IFT74: variants seen among roughly 807,000 people sequenced by gnomAD.
The protein encoded by IFT74 is intraflagellar transport protein 74 homolog.
A neutral mutation model predicts 96.7 loss-of-function variants in IFT74; 92 were observed. The observed-to-expected ratio is 0.95, with a 90% CI of 0.80 to 1.13. The LOEUF (loss-of-function observed/expected upper bound fraction) is 1.13. Ranked by LOEUF, IFT74 falls within the 50% of genes most tolerant of loss-of-function variation. The pLI is 0.00. For missense variants in IFT74, 811 were observed against 698.2 expected, an observed-to-expected ratio of 1.16 and a Z score of -1.82; for synonymous variants, 223 against 213.2, an observed-to-expected ratio of 1.05 and a Z score of -0.40.
rs756920285 is a variant in IFT74, at chr9:27,009,118, A to C, written c.686A>C (p.Lys229Thr). The stretch of plus-strand genomic sequence containing the variant: ...AATATGTCTTTTGAAAACCAAGTCA[A>C]GTACCTAGAGATGAAAACCACAAAT... ...IKNMSFENQV[K>T]YLEMKTTNEK... Residue 229 changes from lysine to threonine, a missense_variant, in exon 9 of 20, where the codon AAG becomes ACG. Transcript: ENST00000380062. 9 of 1,613,448 alleles carry C rather than the reference A, an allele frequency of 5.6e-6. No individual in the cohort carries two copies. The highest frequency in any genetic ancestry group is 1.7e-5 in the Admixed American group (1 of 60,018).
intron 18 of IFT74, 134 bp from the exon 19 acceptor site, chr9:27,060,457 G>C (rs10967687): frequency 2.4e-6 from 1 of 424,296 alleles, no homozygotes; most frequent in Non-Finnish European, 4.3e-6. Flanking sequence ...TTTTTCTACC[G>C]TGGCTTTATC....
At chr9:27,036,056 A>C (rs1819164100) in intron 13 of IFT74, among the ~76,000 whole-genome samples, 1 of 152,270 alleles carries the variant, frequency 6.6e-6, no homozygotes, top group Non-Finnish European at 1.5e-5. Context: ...GTATTCTTAC[A>C]ATAAAGTAAG....
intron 10 of IFT74, among the ~76,000 whole-genome samples, chr9:27,015,342 G>A (rs1318169605): frequency 6.6e-6 from 1 of 151,768 alleles, no homozygotes; most frequent in Non-Finnish European, 1.5e-5. Context: ...CATACTTTTA[G>A]AAGAGAAGAG....
chr9:27,034,718 TGGG>T (rs1172869507), intron 13 of IFT74, among the ~76,000 whole-genome samples: 20 of 152,094 alleles, frequency 1.3e-4, no homozygotes, highest in Admixed American at 7.2e-4. Flanking sequence ...TTAGTAGAGA[TGGG>T]GTTTCTCCAT....
chr9:26,962,187 C>A (rs1040028619), intron 2 of IFT74, 100 bp downstream of exon 2: 66 of 1,159,768 alleles, frequency 5.7e-5, no homozygotes, highest in Admixed American at 2.4e-5. Context: ...CATGCCACTG[C>A]ACCCCAGTTT....
intron 8 of IFT74, among the ~76,000 whole-genome samples, chr9:27,003,557 A>G (rs111857515): frequency 1.2e-3 from 184 of 152,228 alleles, no homozygotes; most frequent in African/African-American, 4.1e-3. Context: ...AGAGTAGGCA[A>G]GAATCCATGC....
chr9:27,055,186 G>A (rs1202705325), intron 16 of IFT74, among the ~76,000 whole-genome samples: 2 of 152,094 alleles, frequency 1.3e-5, no homozygotes, highest in African/African-American at 2.4e-5. Context: ...ACCACAGATA[G>A]TAAGAGTTGA....
intron 8 of IFT74, chr9:26,999,486 G>T: frequency 1.6e-6 from 1 of 636,138 alleles, no homozygotes; most frequent in Middle Eastern, 4.5e-4. Flanking sequence ...GATATACAGA[G>T]CTAAATAAAC....
chr9:26,982,871 C>A (rs115428443), intron 4 of IFT74, among the ~76,000 whole-genome samples: 1 of 152,064 alleles, frequency 6.6e-6, no homozygotes, highest in Admixed American at 6.6e-5. Context: ...GGATTACAGG[C>A]GTGAGCTGCC....
At chr9:26,954,814 A>G (rs575636234), upstream of IFT74, among the ~76,000 whole-genome samples, 1 of 151,978 alleles carries the variant, frequency 6.6e-6, no homozygotes, top group South Asian at 2.1e-4. Context: ...TTACTAACCA[A>G]ATTACAACTT....
At chr9:26,982,366 T>G (rs751825705) in intron 4 of IFT74, 6 of 443,560 alleles carry the variant, frequency 1.4e-5, no homozygotes, top group South Asian at 7.9e-5. Context: ...TGGATTCAAG[T>G]GATTCTCTTG....
intron 13 of IFT74, among the ~76,000 whole-genome samples, chr9:27,043,714 T>C (rs1383333355): frequency 2.0e-5 from 3 of 152,218 alleles, no homozygotes; most frequent in African/African-American, 7.2e-5. Flanking sequence ...TCTTCTCAGA[T>C]GCCCAAGCCA....
intron 8 of IFT74, among the ~76,000 whole-genome samples, chr9:27,002,566 T>C (rs1828558100): frequency 6.6e-6 from 1 of 152,366 alleles, no homozygotes; most frequent in African/African-American, 2.4e-5. Context: ...CCATTTTATG[T>C]TCTTGGCACC....
upstream of IFT74, among the ~76,000 whole-genome samples, chr9:26,951,578 CATATAT>C (rs1184829176): frequency 1.3e-5 from 2 of 151,874 alleles, no homozygotes; most frequent in Non-Finnish European, 2.9e-5. Flanking sequence ...AAACAAAGTC[CATATAT>C]ATAAGAAAAA....
intron 1 of IFT74, among the ~76,000 whole-genome samples, chr9:26,956,824 A>C (rs1313526486): frequency 6.6e-6 from 1 of 152,254 alleles, no homozygotes; most frequent in East Asian, 1.9e-4. Flanking sequence ...CTTACAGTGG[A>C]AGGGACTTAT....
At chr9:26,954,029 A>G (rs111739174), upstream of IFT74, among the ~76,000 whole-genome samples, 3,576 of 152,178 alleles carry the variant, frequency 0.023, 54 homozygotes, top group Non-Finnish European at 0.036. Flanking sequence ...AAAACATCCA[A>G]TCACTGCTGT....
At chr9:26,995,474 C>T (rs1290762557) in intron 8 of IFT74, 3 of 1,125,642 alleles carry the variant, frequency 2.7e-6, no homozygotes, top group Admixed American at 2.6e-5. Flanking sequence ...CATATCTAAA[C>T]TGAGTGAGCT....
At chr9:26,984,674 A>G (rs1483931595) in intron 6 of IFT74, 115 bp downstream of exon 6, 3 of 730,586 alleles carry the variant, frequency 4.1e-6, no homozygotes, top group South Asian at 4.0e-5. Flanking sequence ...AAAAGAAGAC[A>G]AACATGCAGC....
At chr9:26,987,639 C>T (rs1317663259) in intron 6 of IFT74, among the ~76,000 whole-genome samples, 1 of 152,142 alleles carries the variant, frequency 6.6e-6, no homozygotes, top group Admixed American at 6.5e-5. Context: ...ATACCTTACA[C>T]CCAAATAGTT....
Sources: allele counts gnomAD v4.1 joint callset (sites outside exome capture counted in the v4.1 genomes callset), GRCh38; gene constraint gnomAD v4.1.1; transcripts MANE v1.5; gene names NCBI Gene and HGNC (gene_info 2026-07-23, HGNC 2026-07-21).